The following BAZ1B variants were observed in gnomAD, a reference collection of about 807,000 sequenced individuals.
BAZ1B encodes bromodomain adjacent to zinc finger domain 1B.
In BAZ1B, 22 loss-of-function variants were observed where a neutral mutation model predicts 153.8. That is an observed-to-expected ratio of 0.14 (90% confidence interval 0.10 to 0.20). BAZ1B has a LOEUF of 0.20. BAZ1B is among the 10% of genes least tolerant of loss of function. BAZ1B has a pLI of 1.00. For synonymous variants in BAZ1B, 676 were observed against 633.4 expected, an observed-to-expected ratio of 1.07 and a Z score of -1.01; for missense variants, 1,325 against 1,799.3, an observed-to-expected ratio of 0.74 and a Z score of 4.77.
chr7:73,452,139 CTTAT>C (rs1451712515), intron 13 of BAZ1B, among the ~76,000 whole-genome samples: 1 of 152,194 alleles, frequency 6.6e-6, no homozygotes, highest in Admixed American at 6.5e-5. Flanking sequence ...TGGGAATAGG[CTTAT>C]TTAACCTCGT....
intron 4 of BAZ1B, 70 bp downstream of exon 4, chr7:73,498,427 T>C: frequency 1.4e-6 from 2 of 1,448,660 alleles, no homozygotes; most frequent in African/African-American, 1.4e-5. Flanking sequence ...TAGAGAACCC[T>C]AAAAGATGTG....
Position 73,442,345 on chromosome 7 carries a change from A to G in BAZ1B, c.4303T>C (p.Cys1435Arg). The G allele has an allele frequency of 6.2e-7, 1 of 1,614,208 alleles. No homozygotes were observed. Among genetic ancestry groups the G allele is most frequent in the Non-Finnish European group, 8.5e-7 (1 of 1,180,036 alleles). Residue 1435 changes from cysteine (C) to arginine (R), a missense_variant, in exon 19 of 20, where the codon TGT becomes CGT. Physicochemically the swap from Cys to Arg is radical, Grantham distance 180 (BLOSUM62 -3). Around this residue, in one of 9 missense-constraint regions of BAZ1B, gnomAD observed 271 missense variants for 337.2 expected, o/e 0.80. Transcript: ENST00000339594. ...VLSCMVKTEQ[C>R]LVALLHKHLP... Reference sequence around the variant, plus strand: ...TGTTTATGCAACAGAGCCACTAGACACTGTTCTGTCTTCACCATGCAGCTT... The same window carrying G: ...TGTTTATGCAACAGAGCCACTAGACGCTGTTCTGTCTTCACCATGCAGCTT...
At chr7:73,482,127 C>T (rs1181953170) in intron 6 of BAZ1B, among the ~76,000 whole-genome samples, 2 of 152,196 alleles carry the variant, frequency 1.3e-5, no homozygotes, top group Middle Eastern at 3.2e-3. Context: ...GACAAAGAGG[C>T]TTTATAGCTT....
chr7:73,455,155 G>A (rs1488380585), intron 13 of BAZ1B, among the ~76,000 whole-genome samples: 1 of 152,000 alleles, frequency 6.6e-6, no homozygotes, highest in East Asian at 1.9e-4. Flanking sequence ...AAAGTGCTGG[G>A]ATTACAGGCG....
intron 17 of BAZ1B, 117 bp downstream of exon 17, chr7:73,443,867 G>T: frequency 6.7e-7 from 1 of 1,487,014 alleles, no homozygotes; most frequent in Non-Finnish European, 9.2e-7. Context: ...TCCCAAGTTT[G>T]GTAAGAAGGA....
At chr7:73,506,096 T>C (rs938346249) in intron 3 of BAZ1B, among the ~76,000 whole-genome samples, 1 of 152,208 alleles carries the variant, frequency 6.6e-6, no homozygotes, top group African/African-American at 2.4e-5. Flanking sequence ...TGTTTAGTTT[T>C]TTCTCCTGAA....
chr7:73,473,542 C>A (rs543885304), intron 7 of BAZ1B, among the ~76,000 whole-genome samples: 1 of 151,900 alleles, frequency 6.6e-6, no homozygotes, highest in Non-Finnish European at 1.5e-5. Flanking sequence ...GACAGAGCGA[C>A]GCTCTGTATC....
chr7:73,459,745 C>CT, intron 12 of BAZ1B, 27 bp from the exon 13 acceptor site: 2 of 1,559,696 alleles, frequency 1.3e-6, no homozygotes, highest in Non-Finnish European at 1.7e-6. Context: ...TAAAACCAGA[C>CT]TGAGAAAAGG....
Position 73,443,253 on chromosome 7 carries a change from TG to T in BAZ1B, c.3991-426del, listed in dbSNP as rs1194762576. Among the ~76,000 whole-genome samples, 353 of 152,206 alleles carry T rather than the reference TG, an allele frequency of 2.3e-3. 2 individuals carry two copies. Among genetic ancestry groups the T allele is most frequent in the African/African-American group, 8.4e-3 (347 of 41,534 alleles). ...TCTGGGCCAACAGCAGCCAATTCTG[TG>T]GGGGTGGGGTGCCTCTGGTAAGAAA... On this transcript the variant is annotated intron_variant, in intron 17 of 19. Transcript: ENST00000339594.
chr7:73,459,683 C>T lies in BAZ1B; in HGVS notation c.3285G>A (p.Glu1095=). The change falls in exon 13 of 20, where the codon GAG becomes GAA. Residue 1095 remains glutamate, a synonymous_variant. Transcript: ENST00000339594. ...CACTGGCCTGAAGGGCAATCACACA[C>T]TCACCAAAATCCTTCAATTTCTCTA... ...ISLEKLKDFG[E]CVIALQASVI... is the part of the protein sequence containing the mutation. 1.9e-6 allele frequency: 3 copies of T among 1,612,312 alleles called. No homozygotes were observed. Among genetic ancestry groups the T allele is most frequent in the Non-Finnish European group, 2.5e-6 (3 of 1,179,528 alleles).
chr7:73,471,746 CTT>C (rs1316419865), intron 7 of BAZ1B, among the ~76,000 whole-genome samples: 2 of 151,992 alleles, frequency 1.3e-5, no homozygotes, highest in African/African-American at 4.8e-5. Flanking sequence ...ACTTTAAAAA[CTT>C]AAGATAAATT....
At chr7:73,448,131 C>A (rs1787904783) in intron 15 of BAZ1B, among the ~76,000 whole-genome samples, 1 of 152,066 alleles carries the variant, frequency 6.6e-6, no homozygotes, top group Admixed American at 6.6e-5. Flanking sequence ...ATGGAGAAAC[C>A]CCATCTCTAC....
At chr7:73,484,421 T>G (rs1003181735) in intron 6 of BAZ1B, among the ~76,000 whole-genome samples, 1 of 152,110 alleles carries the variant, frequency 6.6e-6, no homozygotes, top group African/African-American at 2.4e-5. Flanking sequence ...GAAGGATTGC[T>G]TGAGCCCAGG....
At chr7:73,471,572 A>G (rs1176357361) in intron 7 of BAZ1B, among the ~76,000 whole-genome samples, 1 of 152,062 alleles carries the variant, frequency 6.6e-6, no homozygotes, top group African/African-American at 2.4e-5. Flanking sequence ...CTGGTCTCAA[A>G]CTTCTGGGCT....
In BAZ1B at chr7:73,447,399, T is replaced by C; in HGVS notation, c.3729-20A>G. The C allele has an allele frequency of 1.3e-5, 21 of 1,601,168 alleles. No individual in the cohort carries two copies. Among genetic ancestry groups the C allele is most frequent in the Non-Finnish European group, 1.8e-5 (21 of 1,173,612 alleles). ...TAGTTCCTGTGGGTAGAAAAAATAA[T>C]GTAGGGAACACAGTTTTAGCCCAAA... On this transcript the variant is annotated intron_variant, in intron 15 of 19. Transcript: ENST00000339594.
chr7:73,442,336 C>T lies in BAZ1B; in HGVS notation c.4312G>A (p.Ala1438Thr), dbSNP rs781967303. 6.2e-7 allele frequency: 1 copy of T among 1,614,192 alleles called. No individual in the cohort carries two copies. Among genetic ancestry groups the T allele is most frequent in the Non-Finnish European group, 8.5e-7 (1 of 1,180,046 alleles). Residue 1438 changes from alanine to threonine, a missense_variant, in exon 19 of 20, where the codon GCT (alanine) becomes ACT (threonine). Coordinates refer to ENST00000339594, the MANE Select transcript of BAZ1B (RefSeq NM_032408.4). The stretch of plus-strand genomic sequence containing the variant: ...CCAGGAAGGTGTTTATGCAACAGAG[C>T]CACTAGACACTGTTCTGTCTTCACC... ...CMVKTEQCLV[A>T]LLHKHLPGHP...
At chr7:73,443,890 C>T (rs1459459363) in intron 17 of BAZ1B, 94 bp downstream of exon 17, 10 of 1,550,472 alleles carry the variant, frequency 6.4e-6, no homozygotes, top group Non-Finnish European at 8.8e-6. Context: ...AGGGGGGAGG[C>T]TCCCCTCCCA....
chr7:73,459,403 ACACAC>A, intron 13 of BAZ1B, 128 bp downstream of exon 13: 1 of 823,764 alleles, frequency 1.2e-6, no homozygotes, highest in Non-Finnish European at 1.8e-6. Context: ...AAAAAAAAAA[ACACAC>A]ACACACACAA....
At chr7:73,508,889 T>C (rs1416465451) in intron 2 of BAZ1B, among the ~76,000 whole-genome samples, 1 of 151,848 alleles carries the variant, frequency 6.6e-6, no homozygotes, top group Non-Finnish European at 1.5e-5. Flanking sequence ...GGCTGGTGCC[T>C]ATCGTCCCAG....
Sources: allele counts gnomAD v4.1 joint callset (sites outside exome capture counted in the v4.1 genomes callset), GRCh38; gene constraint gnomAD v4.1.1; regional missense constraint gnomAD v4.1.1; transcripts MANE v1.5; gene names NCBI Gene and HGNC (gene_info 2026-07-23, HGNC 2026-07-21).